CSMD1: variants seen among roughly 807,000 people sequenced by gnomAD.
The protein encoded by CSMD1 is CUB and Sushi multiple domains 1.
In CSMD1, 213 loss-of-function variants were observed where a neutral mutation model predicts 417.5. The observed-to-expected ratio is 0.51, with a 90% CI of 0.46 to 0.57. CSMD1 has a LOEUF of 0.57. Ranked by LOEUF, CSMD1 falls within the 20% of genes least tolerant of loss-of-function variation. The pLI, the probability that CSMD1 is intolerant of heterozygous loss-of-function variation, is 0.00. For missense variants in CSMD1, 6,923 were observed against 4,529.7 expected, an observed-to-expected ratio of 1.53 and a Z score of -15.17; for synonymous variants, 2,862 against 1,736.8, an observed-to-expected ratio of 1.65 and a Z score of -16.11.
rs757479575 is a variant in CSMD1 at position 4,031,973 on chromosome 8, G to T, written c.542C>A (p.Ala181Asp). 1 of 1,613,948 alleles carries T rather than the reference G, an allele frequency of 6.2e-7. No individual in the cohort carries two copies. The highest frequency in any genetic ancestry group is 8.5e-7 in the Non-Finnish European group (1 of 1,179,870). ...CLPGYILEGH[A>D]ILTCIVSPGN... is the part of the protein sequence containing the mutation. ...TGGGCTGACGATGCAGGTCAGGATG[G>T]CGTGGCCTTCCAAGATGTAGCCAGG... Residue 181 changes from alanine to aspartate, a missense_variant, in exon 4 of 70, where the codon GCC becomes GAC. Coordinates refer to ENST00000635120, the MANE Select transcript of CSMD1 (RefSeq NM_033225.6).
chr8:4,965,287 T>TGAGTACTTAC, intron 1 of CSMD1, among the ~76,000 whole-genome samples: 1 of 152,162 alleles, frequency 6.6e-6, no homozygotes, highest in Non-Finnish European at 1.5e-5. Context: ...TGAGTACTTA[T>TGAGTACTTAC]TGTGTATCAG....
At chr8:4,423,643 A>G (rs182929590) in intron 2 of CSMD1, among the ~76,000 whole-genome samples, 2 of 152,166 alleles carry the variant, frequency 1.3e-5, no homozygotes, top group African/African-American at 4.8e-5. Context: ...AAACTGATAC[A>G]CAGGTTTTAC....
At chr8:4,064,036 A>T (rs936917387) in intron 3 of CSMD1, among the ~76,000 whole-genome samples, 29 of 152,206 alleles carry the variant, frequency 1.9e-4, no homozygotes, top group African/African-American at 7.0e-4. Context: ...AACTGACACC[A>T]GCTGAGAGTG....
At chr8:3,413,313 G>C (rs953017902) in intron 12 of CSMD1, among the ~76,000 whole-genome samples, 2 of 152,106 alleles carry the variant, frequency 1.3e-5, no homozygotes, top group Non-Finnish European at 2.9e-5. Flanking sequence ...CTGTGCAGAG[G>C]TTTCAGAAAT....
intron 3 of CSMD1, among the ~76,000 whole-genome samples, chr8:4,348,309 C>A (rs1800893181): frequency 6.6e-6 from 1 of 151,948 alleles, no homozygotes; most frequent in African/African-American, 2.4e-5. Context: ...TCTGTGGATG[C>A]CTTTGTAAGA....
intron 45 of CSMD1, among the ~76,000 whole-genome samples, chr8:3,107,470 C>T (rs1314988295): frequency 6.6e-6 from 1 of 152,006 alleles, no homozygotes; most frequent in African/African-American, 2.4e-5. Flanking sequence ...AATGTTCAAA[C>T]TGACATCAAA....
intron 5 of CSMD1, among the ~76,000 whole-genome samples, chr8:3,883,075 G>T (rs2948646): frequency 6.6e-6 from 1 of 151,976 alleles, no homozygotes; most frequent in Non-Finnish European, 1.5e-5. Context: ...AATGTGTCTT[G>T]ACTATTTACT....
At chr8:3,031,570 C>T (rs957059806) in intron 50 of CSMD1, among the ~76,000 whole-genome samples, 1 of 151,786 alleles carries the variant, frequency 6.6e-6, no homozygotes, top group African/African-American at 2.4e-5. Flanking sequence ...TTGTTGTTTC[C>T]TTGTTGTTTT....
intron 3 of CSMD1, among the ~76,000 whole-genome samples, chr8:4,128,118 G>C (rs1324430336): frequency 6.6e-6 from 1 of 152,084 alleles, no homozygotes; most frequent in African/African-American, 2.4e-5. Context: ...GGCAAACACT[G>C]TCAGGCCAGC....
At chr8:3,762,431 C>A (rs931599277) in intron 5 of CSMD1, among the ~76,000 whole-genome samples, 2 of 152,178 alleles carry the variant, frequency 1.3e-5, no homozygotes, top group East Asian at 1.9e-4. Context: ...CCAGACTTAC[C>A]CTTTGCAGAC....
intron 3 of CSMD1, among the ~76,000 whole-genome samples, chr8:4,250,757 T>C (rs2128830672): frequency 6.6e-6 from 1 of 152,290 alleles, no homozygotes; most frequent in African/African-American, 2.4e-5. Flanking sequence ...ACTGTAAATA[T>C]GTATAAATAT....
intron 6 of CSMD1, among the ~76,000 whole-genome samples, chr8:3,732,311 T>C (rs1164289112): frequency 6.6e-6 from 1 of 152,202 alleles, no homozygotes; most frequent in Non-Finnish European, 1.5e-5. Flanking sequence ...AAAAATAATT[T>C]TGATCAAGTC....
At chr8:4,619,021 A>T (rs1801629268) in intron 2 of CSMD1, among the ~76,000 whole-genome samples, 1 of 152,200 alleles carries the variant, frequency 6.6e-6, no homozygotes, top group Admixed American at 6.6e-5. Flanking sequence ...TCTATTTCAA[A>T]AATAATTTAC....
intron 18 of CSMD1, among the ~76,000 whole-genome samples, chr8:3,375,398 C>CT (rs1251178706): frequency 1.3e-5 from 2 of 152,208 alleles, no homozygotes; most frequent in African/African-American, 2.4e-5. Context: ...CATCTTTTCT[C>CT]TTTTTTTCCA....
intron 41 of CSMD1, among the ~76,000 whole-genome samples, chr8:3,126,936 C>T (rs1031518472): frequency 3.2e-4 from 48 of 152,266 alleles, no homozygotes; most frequent in African/African-American, 9.9e-4. Context: ...ACCTAGGAGA[C>T]GGGTCTACTG....
chr8:3,531,826 T>TG (rs1797993606), intron 10 of CSMD1, among the ~76,000 whole-genome samples: 1 of 152,126 alleles, frequency 6.6e-6, no homozygotes. Context: ...TGCCAGCAGT[T>TG]GCACAGAGAG....
At chr8:2,945,641 G>C (rs2128915760) in intron 68 of CSMD1, among the ~76,000 whole-genome samples, 1 of 152,224 alleles carries the variant, frequency 6.6e-6, no homozygotes, top group Middle Eastern at 3.4e-3. Flanking sequence ...TCGTACGAGG[G>C]TCTTCACAAT....
chr8:3,548,799 G>A (rs1366433937), intron 10 of CSMD1, among the ~76,000 whole-genome samples: 1 of 151,760 alleles, frequency 6.6e-6, no homozygotes, highest in East Asian at 1.9e-4. Context: ...ACCTTCTCAG[G>A]TTTCTAAGCC....
intron 1 of CSMD1, among the ~76,000 whole-genome samples, chr8:4,986,771 G>A (rs1417953850): frequency 6.6e-6 from 1 of 152,012 alleles, no homozygotes; most frequent in African/African-American, 2.4e-5. Context: ...GATAATAGAG[G>A]CACTGATGAT....
Sources: allele counts gnomAD v4.1 joint callset (sites outside exome capture counted in the v4.1 genomes callset), GRCh38; gene constraint gnomAD v4.1.1; transcripts MANE v1.5; gene names NCBI Gene and HGNC (gene_info 2026-07-23, HGNC 2026-07-21).